MGAT4C: variants seen among roughly 807,000 people sequenced by gnomAD.
MGAT4C encodes the protein alpha-1,3-mannosyl-glycoprotein 4-beta-N-acetylglucosaminyltransferase C.
Under a neutral mutation model 40.1 loss-of-function variants are expected in MGAT4C, and 19 were observed. That is an observed-to-expected ratio of 0.47 (90% confidence interval 0.33 to 0.70). MGAT4C has a LOEUF of 0.70. Among genes scored for constraint, MGAT4C ranks in the 30% least tolerant of loss-of-function variants. The probability of loss-of-function intolerance (pLI) is 0.02; values close to 1 mark genes in which losing one functional copy is unlikely to be tolerated. For missense variants in MGAT4C, 491 were observed against 563.2 expected, an observed-to-expected ratio of 0.87 and a Z score of 1.30; for synonymous variants, 181 against 187.1, an observed-to-expected ratio of 0.97 and a Z score of 0.27.
At chr12:86,597,263 G>C (rs1338045789) in intron 2 of MGAT4C, among the ~76,000 whole-genome samples, 1 of 152,122 alleles carries the variant, frequency 6.6e-6, no homozygotes, top group Non-Finnish European at 1.5e-5. Flanking sequence ...GTCCTTGCCA[G>C]CAAGAAAAAG....
intron 2 of MGAT4C, among the ~76,000 whole-genome samples, chr12:86,634,169 G>T (rs1239757512): frequency 2.0e-5 from 3 of 152,086 alleles, no homozygotes; most frequent in South Asian, 4.1e-4. Context: ...ACTAAAAGCA[G>T]TTCTGATTAT....
intron 1 of MGAT4C, among the ~76,000 whole-genome samples, chr12:86,116,585 A>G (rs540560870): frequency 6.6e-6 from 1 of 152,276 alleles, no homozygotes; most frequent in East Asian, 1.9e-4. Flanking sequence ...AAGGACTGGT[A>G]TGGAACTCAT....
At chr12:86,784,569 G>A (rs1593204481) in intron 1 of MGAT4C, among the ~76,000 whole-genome samples, 2 of 151,814 alleles carry the variant, frequency 1.3e-5, no homozygotes, top group Admixed American at 1.3e-4. Context: ...TCTCTTAGAT[G>A]AGTGAAGTTA....
chr12:86,073,071 G>A (rs959998257), intron 1 of MGAT4C, among the ~76,000 whole-genome samples: 1 of 152,146 alleles, frequency 6.6e-6, no homozygotes, highest in South Asian at 2.1e-4. Context: ...CACATGTTAT[G>A]AGAGGGACCT....
chr12:86,538,960 T>G, intron 2 of MGAT4C, among the ~76,000 whole-genome samples: 1 of 152,110 alleles, frequency 6.6e-6, no homozygotes, highest in Non-Finnish European at 1.5e-5. Flanking sequence ...TCATAACTAC[T>G]GCATATGCAT....
intron 1 of MGAT4C, among the ~76,000 whole-genome samples, chr12:86,809,819 TTTTTA>T (rs1439573890): frequency 2.6e-5 from 4 of 152,066 alleles, no homozygotes; most frequent in African/African-American, 4.8e-5. Context: ...GGTGTTAATC[TTTTTA>T]TTTTCTTTAT....
At chr12:86,501,763 A>T (rs1958347370) in intron 2 of MGAT4C, among the ~76,000 whole-genome samples, 1 of 152,000 alleles carries the variant, frequency 6.6e-6, no homozygotes, top group Admixed American at 6.6e-5. Context: ...GTTTGGGTTG[A>T]TTCCATGTCT....
chr12:86,419,935 G>A (rs906808923), intron 3 of MGAT4C, among the ~76,000 whole-genome samples: 4 of 151,918 alleles, frequency 2.6e-5, no homozygotes, highest in African/African-American at 9.7e-5. Flanking sequence ...AACAGAGATA[G>A]GAAAAAACAC....
chr12:86,690,805 A>C (rs967772772), intron 2 of MGAT4C, among the ~76,000 whole-genome samples: 5 of 152,160 alleles, frequency 3.3e-5, no homozygotes, highest in African/African-American at 1.2e-4. Context: ...TCAGGACTCA[A>C]TATTTTCATC....
intron 1 of MGAT4C, among the ~76,000 whole-genome samples, chr12:86,821,270 T>G (rs903380696): frequency 2.6e-4 from 40 of 150,998 alleles, no homozygotes; most frequent in African/African-American, 9.4e-4. Context: ...CCTGTCCAGG[T>G]ACTTTATAAA....
intron 1 of MGAT4C, among the ~76,000 whole-genome samples, chr12:86,146,691 T>G (rs1883560588): frequency 6.6e-6 from 1 of 151,910 alleles, no homozygotes; most frequent in African/African-American, 2.4e-5. Context: ...ATAATATTAT[T>G]TTATTTATTA....
intron 1 of MGAT4C, among the ~76,000 whole-genome samples, chr12:86,087,025 A>G (rs1318603240): frequency 2.6e-5 from 4 of 152,090 alleles, no homozygotes; most frequent in South Asian, 2.1e-4. Flanking sequence ...TGGCTGAATA[A>G]TATTTTATTG....
chr12:86,677,588 T>G (rs1949890232), intron 2 of MGAT4C, among the ~76,000 whole-genome samples: 1 of 152,176 alleles, frequency 6.6e-6, no homozygotes, highest in African/African-American at 2.4e-5. Context: ...GAGAATTTAC[T>G]GAGGAATGTT....
At chr12:86,138,233 T>A (rs1311285264) in intron 1 of MGAT4C, among the ~76,000 whole-genome samples, 6 of 151,766 alleles carry the variant, frequency 4.0e-5, no homozygotes, top group Admixed American at 3.9e-4. Flanking sequence ...GCACTCAAAC[T>A]CAGACTCATT....
chr12:86,507,827 G>C (rs968351354), intron 2 of MGAT4C, among the ~76,000 whole-genome samples: 8 of 151,952 alleles, frequency 5.3e-5, no homozygotes, highest in Non-Finnish European at 1.2e-4. Context: ...AATATATTTG[G>C]AAATCAGGAA....
chr12:86,603,511 CTATAGTCTATAGACTATA>C (rs1418801343), intron 2 of MGAT4C, among the ~76,000 whole-genome samples: 4 of 22,302 alleles, frequency 1.8e-4, no homozygotes, highest in African/African-American at 3.3e-4. Context: ...TATATATAGT[CTATAGTCTATAGACTATA>C]TATAGTCTAT....
intron 1 of MGAT4C, among the ~76,000 whole-genome samples, chr12:86,817,103 ATTC>A (rs1274267522): frequency 6.6e-6 from 1 of 150,622 alleles, no homozygotes; most frequent in South Asian, 2.1e-4. Flanking sequence ...ATTTTCAAGC[ATTC>A]TTATTTTCAA....
At chr12:86,453,525 T>C (rs370193588) in intron 2 of MGAT4C, among the ~76,000 whole-genome samples, 66 of 152,246 alleles carry the variant, frequency 4.3e-4, no homozygotes, top group African/African-American at 1.4e-3. Context: ...GTAATTTTTT[T>C]CATGCTTCAA....
intron 1 of MGAT4C, among the ~76,000 whole-genome samples, chr12:86,818,037 A>G (rs564235271): frequency 6.6e-6 from 1 of 151,574 alleles, no homozygotes; most frequent in African/African-American, 2.4e-5. Flanking sequence ...AGAAATGAAT[A>G]TTAACAGCAA....
Sources: gnomAD v4.1 joint callset for allele counts (sites outside exome capture counted in the v4.1 genomes callset) on GRCh38, gnomAD v4.1.1 for gene constraint, MANE v1.5 for transcripts, NCBI Gene and HGNC (gene_info 2026-07-23, HGNC 2026-07-21) for gene names.